Variants in JARID2 observed in about 807,000 individuals in gnomAD.
The protein encoded by JARID2 is jumonji and AT-rich interaction domain containing 2.
In JARID2, 21 loss-of-function variants were observed where a neutral mutation model predicts 125.6. That is an observed-to-expected ratio of 0.17 (90% CI 0.12 to 0.24). The LOEUF (loss-of-function observed/expected upper bound fraction) is 0.24, where lower values mean the gene tolerates loss of function less well. JARID2 is among the 10% of genes least tolerant of loss of function. JARID2 has a pLI of 1.00. For synonymous variants in JARID2, 736 were observed against 661.6 expected (o/e 1.11, Z -1.73); for missense variants, 1,303 against 1,639.6 (o/e 0.79, Z 3.55).
intron 8 of JARID2, among the ~76,000 whole-genome samples, chr6:15,502,934 C>T (rs150060574): frequency 6.6e-6 from 1 of 152,348 alleles, no homozygotes; most frequent in East Asian, 1.9e-4. Context: ...CAAGTAAAGC[C>T]ACTCAGTGAA....
intron 4 of JARID2, among the ~76,000 whole-genome samples, 170 bp from the exon 5 acceptor site, chr6:15,468,372 C>T (rs1768849824): frequency 6.6e-6 from 1 of 151,782 alleles, no homozygotes; most frequent in Non-Finnish European, 1.5e-5. Flanking sequence ...GCTTGAAATA[C>T]GTTCAAAAGG....
intron 5 of JARID2, among the ~76,000 whole-genome samples, chr6:15,477,130 A>C (rs1769381962): frequency 6.6e-6 from 1 of 152,158 alleles, no homozygotes. Flanking sequence ...ACAGCATGTC[A>C]TTGGACTCCC....
chr6:15,347,758 C>A (rs79522361), intron 1 of JARID2, among the ~76,000 whole-genome samples: 4 of 152,124 alleles, frequency 2.6e-5, no homozygotes, highest in Non-Finnish European at 4.4e-5. Flanking sequence ...CGCTCTGTCA[C>A]GCAAGCTGGA....
At chr6:15,413,060 C>G (rs1283363081) in intron 3 of JARID2, among the ~76,000 whole-genome samples, 1 of 110,622 alleles carries the variant, frequency 9.0e-6, no homozygotes, top group Non-Finnish European at 1.7e-5. Flanking sequence ...GCCTTTGTTG[C>G]CCAGGCTGCA....
intron 1 of JARID2, among the ~76,000 whole-genome samples, chr6:15,355,769 G>A (rs533052721): frequency 5.3e-5 from 8 of 152,196 alleles, no homozygotes; most frequent in African/African-American, 1.4e-4. Flanking sequence ...GTGCCACCAC[G>A]CCTGGCTAAT....
At chr6:15,439,051 T>C (rs939796102) in intron 3 of JARID2, among the ~76,000 whole-genome samples, 2 of 118,924 alleles carry the variant, frequency 1.7e-5, no homozygotes, top group Non-Finnish European at 3.6e-5. Context: ...AAAAAAAAGG[T>C]GTGGGGGGTG....
intron 1 of JARID2, among the ~76,000 whole-genome samples, chr6:15,345,429 A>G (rs1461050137): frequency 6.6e-6 from 1 of 152,144 alleles, no homozygotes; most frequent in Non-Finnish European, 1.5e-5. Flanking sequence ...TCTAATTGAA[A>G]ATCTGGAGCT....
intron 1 of JARID2, among the ~76,000 whole-genome samples, chr6:15,320,013 A>G (rs1343104395): frequency 6.6e-6 from 1 of 152,228 alleles, no homozygotes; most frequent in African/African-American, 2.4e-5. Context: ...CTATGTAAAT[A>G]CAAGTAATTT....
chr6:15,410,304 G>C lies in JARID2; in HGVS notation c.262G>C (p.Val88Leu). The C allele has an allele frequency of 6.2e-7, 1 of 1,614,144 alleles. No homozygotes were observed. Among genetic ancestry groups the C allele is most frequent in the Non-Finnish European group, 8.5e-7 (1 of 1,179,980 alleles). Reference sequence around the variant, plus strand: ...GAATGAAAAGGACGATGCATCCCAAGTGTCCTCCACTAGCAACGATGTTAG... The same window carrying C: ...GAATGAAAAGGACGATGCATCCCAACTGTCCTCCACTAGCAACGATGTTAG... Reference protein sequence around the residue: ...SENEKDDASQVSSTSNDVSSS... With the variant: ...SENEKDDASQLSSTSNDVSSS... Residue 88 changes from valine (V) to leucine (L), a missense_variant, in exon 3 of 18, where the codon GTG (valine) becomes CTG (leucine). Physicochemically the swap from Val to Leu is conservative, Grantham distance 32. Around this residue, in one of 11 missense-constraint regions of JARID2, gnomAD observed 93 missense variants for 120.4 expected, o/e 0.77. Transcript: ENST00000341776.
At chr6:15,311,614 T>C (rs74753885) in intron 1 of JARID2, among the ~76,000 whole-genome samples, 1,664 of 152,278 alleles carry the variant, frequency 0.011, 31 homozygotes, top group African/African-American at 0.038. Context: ...TGAAGACTTG[T>C]GAGCAAGCCT....
intron 3 of JARID2, among the ~76,000 whole-genome samples, chr6:15,449,267 C>G (rs4715975): frequency 1.3e-5 from 2 of 152,016 alleles, no homozygotes; most frequent in African/African-American, 4.8e-5. Flanking sequence ...AAAAATAACA[C>G]TAGGGAATTT....
At chr6:15,472,779 T>A (rs1314113611) in intron 5 of JARID2, among the ~76,000 whole-genome samples, 1 of 152,132 alleles carries the variant, frequency 6.6e-6, no homozygotes, top group East Asian at 1.9e-4. Flanking sequence ...CTGTTCAGTC[T>A]GTGTTAGGCC....
chr6:15,485,080 G>A (rs1271795985), intron 5 of JARID2, among the ~76,000 whole-genome samples: 1 of 152,200 alleles, frequency 6.6e-6, no homozygotes, highest in East Asian at 1.9e-4. Context: ...TAGTTACTTA[G>A]AATAAATGCC....
rs1293346978 is a variant in JARID2 at position 15,370,352 on chromosome 6, T to TA, written c.46-3762dup. The stretch of plus-strand genomic sequence containing the variant: ...GCTGTTTTTTTTTTTTTTTTTTTTT[T>TA]AAAGACTTGCTCTGTCACCCAGGCT... On this transcript the variant is annotated intron_variant, in intron 1 of 17. Coordinates refer to ENST00000341776, the MANE Select transcript of JARID2 (RefSeq NM_004973.4). Among the ~76,000 whole-genome samples the TA allele has an allele frequency of 3.5e-5, 3 of 86,286 alleles. No individual in the cohort carries two copies. In the East Asian group the frequency reaches 9.6e-4, roughly 28 times the overall value. 56.6% of individuals were successfully genotyped at this position (86,286 alleles called of 152,430 possible). A position where few individuals can be genotyped will look rare whatever the true frequency, so the allele number is the denominator to read the frequency against.
intron 3 of JARID2, among the ~76,000 whole-genome samples, chr6:15,423,592 C>T (rs1738513722): frequency 6.6e-6 from 1 of 152,116 alleles, no homozygotes; most frequent in Admixed American, 6.5e-5. Flanking sequence ...GCTTACGTGG[C>T]AGGATGGACT....
chr6:15,257,563 A>C (rs1045544837), intron 1 of JARID2, among the ~76,000 whole-genome samples: 1 of 152,168 alleles, frequency 6.6e-6, no homozygotes, highest in African/African-American at 2.4e-5. Context: ...GGGCTGTTGT[A>C]CAAAATGATG....
In JARID2 at chr6:15,318,773, C is replaced by T. The variant is rs140353472; in HGVS notation, c.46-55344C>T. 3.9e-5 allele frequency among the ~76,000 whole-genome samples: 6 copies of T among 152,252 alleles called. No individual in the cohort carries two copies. In the East Asian group the frequency reaches 5.8e-4, roughly 15 times the overall value. The stretch of plus-strand genomic sequence containing the variant: ...GGCAACAAAAGCCTCTTGAGATTCC[C>T]GGATTGCTCAGGATGTTATAAACAG... On this transcript the variant is annotated intron_variant, in intron 1 of 17. Transcript: ENST00000341776.
chr6:15,261,311 C>CTTTT (rs70996526), intron 1 of JARID2, among the ~76,000 whole-genome samples: 109 of 125,788 alleles, frequency 8.7e-4, no homozygotes, highest in African/African-American at 1.5e-3. Context: ...TCTTCTTCTT[C>CTTTT]TTTTTTTTTT....
chr6:15,447,456 G>C (rs1767723487), intron 3 of JARID2, among the ~76,000 whole-genome samples: 1 of 152,118 alleles, frequency 6.6e-6, no homozygotes, highest in African/African-American at 2.4e-5. Context: ...ACCTTCTCTG[G>C]GGCTGTGTTA....
Sources: allele counts gnomAD v4.1 joint callset (sites outside exome capture counted in the v4.1 genomes callset), GRCh38; gene constraint gnomAD v4.1.1; regional missense constraint gnomAD v4.1.1; transcripts MANE v1.5; gene names NCBI Gene and HGNC (gene_info 2026-07-23, HGNC 2026-07-21).